The following ENTPD6 variants were observed in gnomAD, a reference collection of about 807,000 sequenced individuals.
The protein encoded by ENTPD6 is ectonucleoside triphosphate diphosphohydrolase 6.
In ENTPD6, 46 loss-of-function variants were observed where a neutral mutation model predicts 61.5. The ratio of observed to expected loss-of-function variants is 0.75; its 90% CI spans 0.59 to 0.96. The LOEUF is 0.96. ENTPD6 is among the 40% of genes least tolerant of loss of function. The pLI, the probability that ENTPD6 is intolerant of heterozygous loss-of-function variation, is 0.00. For missense variants in ENTPD6, 612 were observed against 629.0 expected, an observed-to-expected ratio of 0.97 and a Z score of 0.29; for synonymous variants, 252 against 255.5, an observed-to-expected ratio of 0.99 and a Z score of 0.13.
chr20:25,204,722 G>A (rs2091320312), intron 1 of ENTPD6, among the ~76,000 whole-genome samples: 1 of 152,198 alleles, frequency 6.6e-6, no homozygotes, highest in Non-Finnish European at 1.5e-5. Context: ...GTTGCAGAAA[G>A]GTCCGCTCTG....
chr20:25,195,948 C>T, intron 1 of ENTPD6, 81 bp downstream of exon 1: 1 of 1,129,516 alleles, frequency 8.9e-7, no homozygotes, highest in Non-Finnish European at 1.1e-6. Flanking sequence ...GGGCGCGCTG[C>T]GCTCCGGAGG....
At chr20:25,199,828 T>G (rs74665934) in intron 1 of ENTPD6, among the ~76,000 whole-genome samples, 2 of 152,252 alleles carry the variant, frequency 1.3e-5, no homozygotes, top group Non-Finnish European at 2.9e-5. Context: ...TTTTTAAAAC[T>G]GAATAATATT....
At chr20:25,223,017 C>CTGGGGGGGGG in intron 12 of ENTPD6, 39 bp downstream of exon 12, 1 of 559,462 alleles carries the variant, frequency 1.8e-6, no homozygotes, top group Non-Finnish European at 3.0e-6. Flanking sequence ...AAGGTCGGGG[C>CTGGGGGGGGG]GGCAGGGGGC....
chr20:25,217,479 T>C (rs772799952), intron 8 of ENTPD6, 23 bp from the exon 9 acceptor site: 19 of 1,609,324 alleles, frequency 1.2e-5, no homozygotes, highest in East Asian at 1.1e-4. Flanking sequence ...GCAGGAAACA[T>C]AGTTACCCTC....
intron 7 of ENTPD6, 94 bp from the exon 8 acceptor site, chr20:25,216,554 C>T: frequency 1.2e-6 from 1 of 853,548 alleles, no homozygotes; most frequent in South Asian, 1.6e-5. Flanking sequence ...TCTGTCTTTT[C>T]TTTCCCCTGA....
Position 25,226,816 on chromosome 20 carries a change from G to A in ENTPD6, c.*1219G>A, listed in dbSNP as rs1286534440. ...AAACCTTAGAAAAGCTGCCAAAGGG[G>A]GTGGCGTATTTCCAGTCCTGTCGAC... On this transcript the variant is annotated 3_prime_UTR_variant, in exon 15 of 15. Coordinates refer to ENST00000376652, the MANE Select transcript of ENTPD6 (RefSeq NM_001247.5). 6.6e-6 allele frequency: 1 copy of A among 152,280 alleles called. No homozygotes were observed. The highest frequency in any genetic ancestry group is 1.5e-5 in the Non-Finnish European group (1 of 68,076). The allele number at this position is 152,280 out of a possible 1,614,324, so 9.4% of individuals were successfully genotyped here.
intron 13 of ENTPD6, 110 bp downstream of exon 13, chr20:25,224,267 A>T (rs1167547968): frequency 1.2e-5 from 11 of 915,910 alleles, no homozygotes; most frequent in Non-Finnish European, 1.4e-5. Flanking sequence ...AACAATGGCC[A>T]CAGGCAGGGG....
rs189202603 is a variant in ENTPD6 at position 25,225,131 on chromosome 20, T to C, written c.1244-74T>C. ...CAGCGGGTGCCTGTAGTGGGTGGAATTGGGGTCTGCACTTGCCCCTCCGCC... is the reference window on the plus strand; with the variant it reads ...CAGCGGGTGCCTGTAGTGGGTGGAACTGGGGTCTGCACTTGCCCCTCCGCC... On this transcript the variant is annotated intron_variant, in intron 13 of 14. Coordinates refer to ENST00000376652, the MANE Select transcript of ENTPD6 (RefSeq NM_001247.5). The C allele has an allele frequency of 2.4e-4, 368 of 1,541,310 alleles. No individual in the cohort carries two copies. In the African/African-American group the frequency reaches 3.8e-3, roughly 16 times the overall value.
intron 7 of ENTPD6, 69 bp from the exon 8 acceptor site, chr20:25,216,567 GCCTGGCTTTCAC>G: frequency 1.0e-6 from 1 of 979,240 alleles, no homozygotes; most frequent in Non-Finnish European, 1.6e-6. Flanking sequence ...TCCCCTGAGG[GCCTGGCTTTCAC>G]CCTGGCTTTT....
Position 25,214,935 on chromosome 20 carries a change from A to C in ENTPD6, c.666A>C (p.Thr222=). 1.2e-6 allele frequency: 2 copies of C among 1,608,174 alleles called. No individual in the cohort carries two copies. Among genetic ancestry groups the C allele is most frequent in the Non-Finnish European group, 1.7e-6 (2 of 1,174,568 alleles). ...GDDCVSIMNG[T]DEGVSAWITI... is the part of the protein sequence containing the mutation. ...ACTGTGTTTCCATCATGAACGGAAC[A>C]GATGAAGGTAAATGGCTGGAAGCAC... is the stretch of plus-strand genomic sequence containing the variant. The change falls in exon 6 of 15, where the codon ACA becomes ACC. Residue 222 remains threonine (T), a synonymous_variant. Transcript: ENST00000376652.
At chr20:25,206,426 A>T (rs1357589431) in intron 1 of ENTPD6, 96 bp from the exon 2 acceptor site, 3 of 953,402 alleles carry the variant, frequency 3.1e-6, no homozygotes, top group Non-Finnish European at 5.0e-6. Flanking sequence ...GGGTATATCG[A>T]ACCAAAAACA....
chr20:25,215,667 C>CT lies in ENTPD6; in HGVS notation c.674-8dup. 6.2e-7 allele frequency: 1 copy of CT among 1,614,102 alleles called. No individual in the cohort carries two copies. The highest frequency in any genetic ancestry group is 8.5e-7 in the Non-Finnish European group (1 of 1,179,944). The stretch of plus-strand genomic sequence containing the variant: ...TGATTAAAATAATGCCTGTGACACT[C>CT]TCTTGCAGGCGTTTCGGCGTGGATC... On this transcript the variant is annotated splice_polypyrimidine_tract_variant and intron_variant, in intron 6 of 14. Coordinates refer to ENST00000376652, the MANE Select transcript of ENTPD6 (RefSeq NM_001247.5).
At chr20:25,199,904 T>G (rs2090893215) in intron 1 of ENTPD6, among the ~76,000 whole-genome samples, 1 of 152,274 alleles carries the variant, frequency 6.6e-6, no homozygotes, top group African/African-American at 2.4e-5. Context: ...GATGTTTGGA[T>G]TATTTCTCTC....
At chr20:25,210,047 A>G (rs2091849059) in intron 4 of ENTPD6, 122 bp downstream of exon 4, 6 of 877,224 alleles carry the variant, frequency 6.8e-6, no homozygotes, top group Non-Finnish European at 1.1e-5. Context: ...CTGCCTGGGC[A>G]TTTCATGCCA....
intron 1 of ENTPD6, among the ~76,000 whole-genome samples, chr20:25,206,225 T>C (rs1365410464): frequency 6.6e-6 from 1 of 152,082 alleles, no homozygotes; most frequent in Non-Finnish European, 1.5e-5. Context: ...ATCCTCCTGA[T>C]CCCTGCTCCC....
chr20:25,206,623 G>C, intron 2 of ENTPD6, 33 bp downstream of exon 2: 1 of 1,531,124 alleles, frequency 6.5e-7, no homozygotes, highest in Non-Finnish European at 9.1e-7. Context: ...TTGCCCAAGG[G>C]ACGGAGTTTA....
chr20:25,196,125 C>T, intron 1 of ENTPD6: 4 of 1,203,736 alleles, frequency 3.3e-6, no homozygotes, highest in Non-Finnish European at 4.1e-6. Context: ...CCCCAGGGGG[C>T]CCCAGCCCTG....
At position 25,216,620 on chromosome 20, in the gene ENTPD6, T is replaced by A. The variant is rs373324723; in HGVS notation, c.710-28T>A. On this transcript the variant is annotated intron_variant, in intron 7 of 14. Transcript: ENST00000376652. ...GTTCTCGCGATCTTACTAATGCCCCTGTGCTGTTTTTGCTTGCTGTGCTCC... is the reference window on the plus strand; with the variant it reads ...GTTCTCGCGATCTTACTAATGCCCCAGTGCTGTTTTTGCTTGCTGTGCTCC... 290 of 1,552,470 alleles carry A rather than the reference T, an allele frequency of 1.9e-4. 2 individuals are homozygous for A. In the African/African-American group the frequency reaches 3.2e-3, roughly 17 times the overall value.
chr20:25,201,121 C>A (rs964206864), intron 1 of ENTPD6, among the ~76,000 whole-genome samples: 15 of 152,128 alleles, frequency 9.9e-5, no homozygotes, highest in African/African-American at 3.6e-4. Context: ...GTGAATTATC[C>A]AGTTTTCCTT....
Sources: allele counts gnomAD v4.1 joint callset (sites outside exome capture counted in the v4.1 genomes callset), GRCh38; gene constraint gnomAD v4.1.1; transcripts MANE v1.5; gene names NCBI Gene and HGNC (gene_info 2026-07-23, HGNC 2026-07-21).